Variants in DOCK9 observed in about 807,000 individuals in gnomAD.
The protein encoded by DOCK9 is dedicator of cytokinesis 9.
Under a neutral mutation model 263.3 loss-of-function variants are expected in DOCK9, and 89 were observed. The observed-to-expected ratio is 0.34, with a 90% CI of 0.28 to 0.40. The LOEUF (loss-of-function observed/expected upper bound fraction) is 0.40. Among genes scored for constraint, DOCK9 ranks in the 10% least tolerant of loss-of-function variants. The pLI is 1.00. For synonymous variants in DOCK9, 976 were observed against 973.1 expected (o/e 1.00, Z -0.06); for missense variants, 2,140 against 2,603.4 (o/e 0.82, Z 3.87).
chr13:98,991,116 G>A (rs1055077741), intron 1 of DOCK9, among the ~76,000 whole-genome samples: 2 of 151,388 alleles, frequency 1.3e-5, no homozygotes, highest in African/African-American at 4.9e-5. Context: ...TTGTTACCCA[G>A]GCTGGAGTGC....
In DOCK9 at chr13:98,809,291, T is replaced by G. The variant is rs530534244; in HGVS notation, c.5367+61A>C. ...AACTTTATTATAGTTTTTTTTTTGT[T>G]TTTGTTTTTGTTTTTTTTTAAAGGA... On this transcript the variant is annotated intron_variant, in intron 47 of 52. Transcript: ENST00000682017. 130 of 1,436,438 alleles carry G rather than the reference T, an allele frequency of 9.1e-5. No individual in the cohort carries two copies. The African/African-American group carries it at 1.7e-3, about 19-fold the overall frequency. 89.0% of individuals were successfully genotyped at this position (1,436,438 alleles called of 1,614,324 possible).
Position 98,970,664 on chromosome 13 carries a change from G to A in DOCK9, c.126+7120C>T, listed in dbSNP as rs7336558. On this transcript the variant is annotated intron_variant, in intron 1 of 52. Coordinates refer to ENST00000682017, the MANE Select transcript of DOCK9 (RefSeq NM_001366683.2). ...ACTTACATTTGTCAGGAAAGGGAAC[G>A]CTGAAAATTTCCAAAGCCTCAAAAT... Among the ~76,000 whole-genome samples, 907 of 152,284 alleles carry A rather than the reference G, an allele frequency of 6.0e-3. 9 individuals are homozygous for A. Among genetic ancestry groups the A allele is most frequent in the African/African-American group, 0.02 (842 of 41,562 alleles).
Position 98,903,005 on chromosome 13 carries a change from A to G in DOCK9, c.1143T>C (p.Cys381=). ...CNDLSFNLQC[C]VAENEEGPTT... is the part of the protein sequence containing the mutation. Reference sequence around the variant, plus strand: ...TGGGTCCTTCTTCATTTTCGGCAACACAGCATTGCAAATTGAAAGATAAAT... The same window carrying G: ...TGGGTCCTTCTTCATTTTCGGCAACGCAGCATTGCAAATTGAAAGATAAAT... Residue 381 remains cysteine (C), a synonymous_variant, in exon 11 of 53, where the codon TGT becomes TGC. Transcript: ENST00000682017. 6.5e-7 allele frequency: 1 copy of G among 1,528,538 alleles called. No individual in the cohort carries two copies. The highest frequency in any genetic ancestry group is 8.8e-7 in the Non-Finnish European group (1 of 1,140,736). The allele number at this position is 1,528,538 out of a possible 1,614,324, so 94.7% of individuals were successfully genotyped here.
chr13:99,058,183 G>A (rs1240467270), intron 1 of DOCK9, among the ~76,000 whole-genome samples: 1 of 101,466 alleles, frequency 9.9e-6, no homozygotes, highest in African/African-American at 3.7e-5. Flanking sequence ...TTTTTTTTTT[G>A]AGATGGAGTC....
In DOCK9 at chr13:98,825,908, G is replaced by A. The variant is rs868256635; in HGVS notation, c.5023+922C>T. ...CTCCTCAGGCAGGCGCTATGGCTGT[G>A]GGGGAGAAGGGGCGGCTCCCACTGG... On this transcript the variant is annotated intron_variant, in intron 44 of 52. Coordinates refer to ENST00000682017, the MANE Select transcript of DOCK9 (RefSeq NM_001366683.2). The surrounding 1 kb of genome is among the most constrained non-coding windows in gnomAD (Gnocchi z 4.1). 2 of 1,554,908 alleles carry A rather than the reference G, an allele frequency of 1.3e-6. No homozygotes were observed. The highest frequency in any genetic ancestry group is 1.7e-6 in the Non-Finnish European group (2 of 1,149,444).
chr13:99,080,525 CA>C (rs2042084175), intron 1 of DOCK9, among the ~76,000 whole-genome samples: 1 of 152,220 alleles, frequency 6.6e-6, no homozygotes, highest in African/African-American at 2.4e-5. Context: ...TGTAATTTCT[CA>C]AAACCTCTCT....
chr13:98,877,345 T>C (rs1594889597), intron 27 of DOCK9, among the ~76,000 whole-genome samples: 1 of 152,216 alleles, frequency 6.6e-6, no homozygotes, highest in Non-Finnish European at 1.5e-5. Flanking sequence ...TGCAAGTAAA[T>C]TCCTTTACTT....
chr13:98,888,521 T>G lies in DOCK9; in HGVS notation c.1816A>C (p.Thr606Pro), dbSNP rs1410315322. 6.2e-7 allele frequency: 1 copy of G among 1,613,972 alleles called. No individual in the cohort carries two copies. Among genetic ancestry groups the G allele is most frequent in the South Asian group, 1.1e-5 (1 of 91,082 alleles). The change falls in exon 17 of 53, where the codon ACA becomes CCA. Residue 606 changes from threonine to proline, a missense_variant. By Grantham distance (38) the Thr-to-Pro change is conservative. Around this residue, in one of 2 missense-constraint regions of DOCK9, gnomAD observed 1,521 missense variants for 1,741.7 expected, o/e 0.87. Transcript: ENST00000682017. ...PNYVNSSYIP[T>P]KQFETCSKTP... ...TTACTGCAGGTTTCAAATTGTTTTGTGGGAATGTATGATGAATTAACATAA... is the reference window on the plus strand; with the variant it reads ...TTACTGCAGGTTTCAAATTGTTTTGGGGGAATGTATGATGAATTAACATAA...
At chr13:98,823,922 G>A (rs1566609399) in intron 45 of DOCK9, among the ~76,000 whole-genome samples, 1 of 152,186 alleles carries the variant, frequency 6.6e-6, no homozygotes, top group African/African-American at 2.4e-5. Context: ...GCACACAAGC[G>A]GAGGCAGGGA....
chr13:98,921,163 G>A, intron 6 of DOCK9, 75 bp from the exon 7 acceptor site: 1 of 1,429,228 alleles, frequency 7.0e-7, no homozygotes, highest in Non-Finnish European at 9.5e-7. Context: ...ACCCACTTAT[G>A]ACTACATACA....
chr13:98,942,631 T>C (rs2056131661), intron 2 of DOCK9, among the ~76,000 whole-genome samples: 2 of 152,328 alleles, frequency 1.3e-5, no homozygotes, highest in East Asian at 1.9e-4. Flanking sequence ...AGTTAAAACA[T>C]GTCCATCACA....
chr13:98,799,325 A>G (rs542721309), intron 50 of DOCK9, among the ~76,000 whole-genome samples: 266 of 152,368 alleles, frequency 1.7e-3, no homozygotes, highest in Non-Finnish European at 3.3e-3. Flanking sequence ...ATAAAACAAT[A>G]GGATATACAA....
intron 1 of DOCK9, among the ~76,000 whole-genome samples, chr13:99,013,533 T>C (rs1884883299): frequency 6.6e-6 from 1 of 152,152 alleles, no homozygotes; most frequent in Admixed American, 6.5e-5. Context: ...AAGAAGAAAC[T>C]ATACAGGATC....
intron 7 of DOCK9, among the ~76,000 whole-genome samples, chr13:98,916,212 T>C (rs918633244): frequency 6.6e-6 from 1 of 152,204 alleles, no homozygotes; most frequent in Non-Finnish European, 1.5e-5. Context: ...CAGCCAATTC[T>C]TTGTTGTGAG....
chr13:98,834,178 A>G (rs1459901996), intron 39 of DOCK9, among the ~76,000 whole-genome samples: 1 of 152,260 alleles, frequency 6.6e-6, no homozygotes, highest in East Asian at 1.9e-4. Flanking sequence ...AGCCTTTCAG[A>G]AAATGAATGC....
At chr13:98,864,332 T>C (rs908146721) in intron 30 of DOCK9, among the ~76,000 whole-genome samples, 101 of 152,190 alleles carry the variant, frequency 6.6e-4, no homozygotes, top group African/African-American at 2.4e-3. Context: ...GAAGGGTACA[T>C]AAAAACAGCT....
intron 1 of DOCK9, among the ~76,000 whole-genome samples, chr13:98,974,294 G>A (rs182993215): frequency 3.4e-4 from 52 of 152,244 alleles, no homozygotes; most frequent in Non-Finnish European, 6.0e-4. Flanking sequence ...TCTCAGTGGG[G>A]TTGGCAGTAA....
intron 24 of DOCK9, 76 bp from the exon 25 acceptor site, chr13:98,881,703 G>A: frequency 1.4e-6 from 2 of 1,420,702 alleles, no homozygotes; most frequent in Non-Finnish European, 9.7e-7. Flanking sequence ...AGCAGTAGTA[G>A]AACAATGATG....
Position 99,046,946 on chromosome 13 carries a change from A to G in DOCK9, c.129+39277T>C, listed in dbSNP as rs552629992. ...AGCCCATCTTGACACTTCCTCTCCC[A>G]TAAGGATGAGCGTGAAGAGAGCCAA... On this transcript the variant is annotated intron_variant, in intron 1 of 32. Transcript: ENST00000427887. Among the ~76,000 whole-genome samples, 149 of 152,354 alleles carry G rather than the reference A, an allele frequency of 9.8e-4. 2 individuals carry two copies. Among genetic ancestry groups the G allele is most frequent in the African/African-American group, 3.4e-3 (142 of 41,578 alleles).
Sources: gnomAD v4.1 joint callset for allele counts (sites outside exome capture counted in the v4.1 genomes callset) on GRCh38, gnomAD v4.1.1 for gene constraint, gnomAD v4.1.1 regional missense constraint, Gnocchi (gnomAD v3.1) non-coding constraint, MANE v1.5 for transcripts, NCBI Gene and HGNC (gene_info 2026-07-23, HGNC 2026-07-21) for gene names.